The following CRBN variants were observed in gnomAD, a reference collection of about 807,000 sequenced individuals.
The protein encoded by CRBN is cereblon.
CRBN carries 53 observed loss-of-function variants against 62.2 expected under a neutral mutation model. That is an observed-to-expected ratio of 0.85 (90% confidence interval 0.68 to 1.07). The LOEUF (loss-of-function observed/expected upper bound fraction) is 1.07. Ranked by LOEUF, CRBN falls within the 50% of genes least tolerant of loss-of-function variation. The pLI, the probability that CRBN is intolerant of heterozygous loss-of-function variation, is 0.00. For synonymous variants in CRBN, 208 were observed against 176.1 expected, an observed-to-expected ratio of 1.18 and a Z score of -1.43; for missense variants, 616 against 531.1, an observed-to-expected ratio of 1.16 and a Z score of -1.57.
At chr3:3,156,586 A>T in intron 5 of CRBN, 3 of 395,282 alleles carry the variant, frequency 7.6e-6, no homozygotes, top group Non-Finnish European at 9.2e-6. Context: ...TACTTCTATT[A>T]TGACCATGTT....
intron 6 of CRBN, chr3:3,155,224 T>G (rs1706832747): frequency 5.6e-6 from 1 of 178,016 alleles, no homozygotes; most frequent in Non-Finnish European, 1.2e-5. Flanking sequence ...TTGGCACCTA[T>G]TTACTACATA....
chr3:3,162,123 G>A lies in CRBN; in HGVS notation c.687+5511C>T, dbSNP rs150391199. 7.4e-3 allele frequency among the ~76,000 whole-genome samples: 1,125 copies of A among 152,214 alleles called. 14 individuals are homozygous for A. The highest frequency in any genetic ancestry group is 0.026 in the African/African-American group (1,068 of 41,512). On this transcript the variant is annotated intron_variant, in intron 5 of 10. Coordinates refer to ENST00000231948, the MANE Select transcript of CRBN (RefSeq NM_016302.4). ...AACAACCATGGCTAAGTTCAACAGAGGCCAGAAAGATGAGACTCATTACTT... is the reference window on the plus strand; with the variant it reads ...AACAACCATGGCTAAGTTCAACAGAAGCCAGAAAGATGAGACTCATTACTT...
At chr3:3,177,631 A>C (rs1235696713) in intron 1 of CRBN, among the ~76,000 whole-genome samples, 1 of 152,256 alleles carries the variant, frequency 6.6e-6, no homozygotes, top group African/African-American at 2.4e-5. Flanking sequence ...CAGAAAGTTT[A>C]AAAGATAAAC....
chr3:3,162,709 T>G (rs114219321), intron 5 of CRBN, among the ~76,000 whole-genome samples: 2,276 of 152,346 alleles, frequency 0.015, 19 homozygotes, highest in Non-Finnish European at 0.022. Context: ...AAGTTCCTTT[T>G]CTGCAGGAAA....
chr3:3,153,774 G>C, intron 8 of CRBN, 186 bp downstream of exon 8: 1 of 631,336 alleles, frequency 1.6e-6, no homozygotes, highest in Non-Finnish European at 2.9e-6. Flanking sequence ...TTTTCACTAA[G>C]TTGATAAATG....
At chr3:3,167,848 A>T in intron 4 of CRBN, 55 bp from the exon 5 acceptor site, 1 of 1,542,700 alleles carries the variant, frequency 6.5e-7, no homozygotes, top group Non-Finnish European at 9.0e-7. Context: ...CTAACTCAAA[A>T]CTATAAGTTT....
chr3:3,163,024 A>T (rs1707200488), intron 5 of CRBN, among the ~76,000 whole-genome samples: 1 of 152,192 alleles, frequency 6.6e-6, no homozygotes, highest in African/African-American at 2.4e-5. Context: ...CCTACCAAAG[A>T]TATCTGCCAT....
Position 3,150,817 on chromosome 3 carries a change from T to C in CRBN, c.*48A>G. ...GAGGCAATAATTTCCAAAGCAGATC[T>C]TAGAATATAACCAATTTGTTAGATA... On this transcript the variant is annotated 3_prime_UTR_variant, in exon 11 of 11. Transcript: ENST00000231948. The C allele has an allele frequency of 1.3e-6, 2 of 1,567,728 alleles. No individual in the cohort carries two copies. The highest frequency in any genetic ancestry group is 1.7e-6 in the Non-Finnish European group (2 of 1,148,146).
At chr3:3,168,423 TC>T (rs1245955328) in intron 4 of CRBN, among the ~76,000 whole-genome samples, 2 of 152,174 alleles carry the variant, frequency 1.3e-5, no homozygotes, top group Non-Finnish European at 2.9e-5. Flanking sequence ...TAAAGTCATT[TC>T]CAAAATGCTA....
intron 5 of CRBN, among the ~76,000 whole-genome samples, chr3:3,160,685 A>T (rs1707103843): frequency 6.6e-6 from 1 of 152,250 alleles, no homozygotes; most frequent in Non-Finnish European, 1.5e-5. Flanking sequence ...GTTCACAAGG[A>T]AATGTTAATC....
chr3:3,173,937 C>G (rs1012173176), intron 3 of CRBN, 122 bp downstream of exon 3: 13 of 858,970 alleles, frequency 1.5e-5, no homozygotes, highest in Admixed American at 3.7e-5. Context: ...AATTCCTAAC[C>G]TCACATTCTT....
chr3:3,161,992 G>A (rs890102154), intron 5 of CRBN, among the ~76,000 whole-genome samples: 4 of 152,178 alleles, frequency 2.6e-5, no homozygotes, highest in African/African-American at 9.7e-5. Context: ...TTTGTATCTA[G>A]ATAAAATTAG....
chr3:3,179,603 A>C lies in CRBN; in HGVS notation c.67+18T>G, dbSNP rs1178869851. On this transcript the variant is annotated intron_variant, in intron 1 of 10. Transcript: ENST00000231948. ...CTCGCCCCACTCCCGACTACAGGGAACTACTCCGGGCGGTTACCAGGCAGG... is the reference window on the plus strand; with the variant it reads ...CTCGCCCCACTCCCGACTACAGGGACCTACTCCGGGCGGTTACCAGGCAGG... The C allele has an allele frequency of 6.2e-7, 1 of 1,612,412 alleles. No individual in the cohort carries two copies.
At chr3:3,172,743 T>G in intron 4 of CRBN, 33 bp downstream of exon 4, 1 of 1,600,214 alleles carries the variant, frequency 6.2e-7, no homozygotes, top group Non-Finnish European at 8.6e-7. Flanking sequence ...TAGGAAACAT[T>G]CAAAGAGCAT....
chr3:3,178,178 G>C (rs1707908267), intron 1 of CRBN, among the ~76,000 whole-genome samples: 1 of 152,308 alleles, frequency 6.6e-6, no homozygotes, highest in East Asian at 1.9e-4. Flanking sequence ...GGCACAGAGA[G>C]TAGGGCTAAT....
intron 5 of CRBN, among the ~76,000 whole-genome samples, chr3:3,163,014 C>T (rs545409075): frequency 6.6e-6 from 1 of 152,192 alleles, no homozygotes; most frequent in South Asian, 2.1e-4. Flanking sequence ...ATACGGAGTT[C>T]CTACCAAAGA....
chr3:3,154,472 G>C (rs1706792464), intron 7 of CRBN: 1 of 499,494 alleles, frequency 2.0e-6, no homozygotes, highest in Admixed American at 3.5e-5. Context: ...CCTTACACAG[G>C]AAGTGTTTTT....
intron 10 of CRBN, 69 bp from the exon 11 acceptor site, chr3:3,151,114 T>A: frequency 6.5e-7 from 1 of 1,535,158 alleles, no homozygotes; most frequent in Non-Finnish European, 8.9e-7. Flanking sequence ...TATAAACCTA[T>A]CATGAAGACA....
chr3:3,177,207 C>T (rs918371265), intron 1 of CRBN, among the ~76,000 whole-genome samples: 2 of 152,184 alleles, frequency 1.3e-5, no homozygotes, highest in Non-Finnish European at 2.9e-5. Context: ...CCTCCCAGTT[C>T]ATGTATTTTT....
Sources: allele counts gnomAD v4.1 joint callset (sites outside exome capture counted in the v4.1 genomes callset), GRCh38; gene constraint gnomAD v4.1.1; transcripts MANE v1.5; gene names NCBI Gene and HGNC (gene_info 2026-07-23, HGNC 2026-07-21).